TIMP2: variants seen among roughly 807,000 people sequenced by gnomAD.
TIMP2 encodes the protein metalloproteinase inhibitor 2.
In TIMP2, 5 loss-of-function variants were observed where a neutral mutation model predicts 24.3. The observed-to-expected ratio is 0.21, with a 90% CI of 0.11 to 0.43. The LOEUF is 0.43. TIMP2 is among the 20% of genes least tolerant of loss of function. The probability of loss-of-function intolerance (pLI) is 1.00; values close to 1 mark genes in which losing one functional copy is unlikely to be tolerated. For missense variants in TIMP2, 221 were observed against 297.5 expected (o/e 0.74, Z 1.89); for synonymous variants, 130 against 123.2 (o/e 1.06, Z -0.37).
At chr17:78,873,653 T>C (rs569422751) in intron 2 of TIMP2, among the ~76,000 whole-genome samples, 166 bp downstream of exon 2, 1 of 152,164 alleles carries the variant, frequency 6.6e-6, no homozygotes, top group African/African-American at 2.4e-5. Context: ...TTTTCAGGCA[T>C]TCGAGGATTA....
At chr17:78,902,829 GGTGTTCCTGCTTCCTGAAGAC>G (rs2070116382) in intron 1 of TIMP2, 1 of 152,418 alleles carries the variant, frequency 6.6e-6, no homozygotes, top group Admixed American at 6.5e-5. Context: ...AATCCCAGCA[GGTGTTCCTGCTTCCTGAAGAC>G]CCCCCAGCCC....
chr17:78,870,860 T>A lies in TIMP2; in HGVS notation c.340+38A>T, dbSNP rs760300455. On this transcript the variant is annotated intron_variant, in intron 3 of 4. Transcript: ENST00000262768. The stretch of plus-strand genomic sequence containing the variant: ...CCGCGTCTAGGAACAGCCCCACTTC[T>A]GTGCCAGCCTCCGGCTGATGGCCCC... The A allele has an allele frequency of 4.4e-6, 7 of 1,578,720 alleles. No homozygotes were observed. In the South Asian group the frequency reaches 7.8e-5, roughly 18 times the overall value.
chr17:78,918,372 C>T (rs141969846), intron 1 of TIMP2, among the ~76,000 whole-genome samples: 4 of 152,254 alleles, frequency 2.6e-5, no homozygotes, highest in South Asian at 2.1e-4. Flanking sequence ...TTCCCTCTGC[C>T]GCTGCACAGC....
At chr17:78,888,034 A>G (rs2069840276) in intron 1 of TIMP2, among the ~76,000 whole-genome samples, 2 of 152,336 alleles carry the variant, frequency 1.3e-5, no homozygotes, top group South Asian at 2.1e-4. Flanking sequence ...AAGACTCCAC[A>G]TAATATCCTT....
chr17:78,863,996 C>T (rs936800994), intron 3 of TIMP2, among the ~76,000 whole-genome samples: 28 of 152,186 alleles, frequency 1.8e-4, no homozygotes, highest in East Asian at 9.7e-4. Flanking sequence ...AGCACACATT[C>T]GAACTCGAGC....
intron 1 of TIMP2, among the ~76,000 whole-genome samples, chr17:78,877,363 G>A (rs1196429257): frequency 6.6e-6 from 1 of 152,178 alleles, no homozygotes; most frequent in Non-Finnish European, 1.5e-5. Context: ...CGGATCACTT[G>A]AGGTCAGGAG....
intron 2 of TIMP2, 76 bp downstream of exon 2, chr17:78,873,742 AC>A: frequency 8.2e-7 from 1 of 1,224,508 alleles, no homozygotes. Flanking sequence ...TGTTCCAGGG[AC>A]CCAGGCTCTC....
chr17:78,919,376 C>A (rs12452379), intron 1 of TIMP2, among the ~76,000 whole-genome samples: 75,875 of 152,104 alleles, frequency 0.5, 19,309 homozygotes, highest in East Asian at 0.57. Flanking sequence ...GTACCCAGAA[C>A]TCTCACCTTT....
At chr17:78,889,704 T>G (rs1393019389) in intron 1 of TIMP2, among the ~76,000 whole-genome samples, 1 of 152,192 alleles carries the variant, frequency 6.6e-6, no homozygotes, top group Non-Finnish European at 1.5e-5. Flanking sequence ...CAGGCTGGAA[T>G]GTAGTGACAT....
intron 1 of TIMP2, among the ~76,000 whole-genome samples, chr17:78,885,156 A>C (rs575442452): frequency 6.6e-6 from 1 of 152,226 alleles, no homozygotes; most frequent in Non-Finnish European, 1.5e-5. Flanking sequence ...TCAGCCACGG[A>C]GGCCTTCCTG....
intron 3 of TIMP2, among the ~76,000 whole-genome samples, chr17:78,867,688 C>T (rs765753441): frequency 2.6e-5 from 4 of 151,282 alleles, no homozygotes; most frequent in Non-Finnish European, 5.9e-5. Context: ...TTCCGCCTCC[C>T]GGGTTCACGC....
Position 78,924,863 on chromosome 17 carries a change from C to T in TIMP2, c.130+96G>A. On this transcript the variant is annotated intron_variant, in intron 1 of 4. Transcript: ENST00000262768. This position sits in a 1 kb window ranked among gnomAD's most constrained non-coding sequence, Gnocchi z 5.3. Reference sequence around the variant, plus strand: ...GGGACCAGGAGGCGGGCGCTGGGGTCCCTCGGCCAGCGGCGGGCGGGCGGG... The same window carrying T: ...GGGACCAGGAGGCGGGCGCTGGGGTTCCTCGGCCAGCGGCGGGCGGGCGGG... The T allele has an allele frequency of 1.2e-6, 1 of 818,114 alleles. No individual in the cohort carries two copies. The highest frequency in any genetic ancestry group is 1.6e-6 in the Non-Finnish European group (1 of 640,706). 50.7% of individuals were successfully genotyped at this position (818,114 alleles called of 1,614,324 possible). A position where few individuals can be genotyped will look rare whatever the true frequency, so the allele number is the denominator to read the frequency against.
intron 3 of TIMP2, among the ~76,000 whole-genome samples, chr17:78,867,133 C>T (rs2069623782): frequency 6.6e-6 from 1 of 152,156 alleles, no homozygotes; most frequent in African/African-American, 2.4e-5. Context: ...TGGGGGCACA[C>T]ATCTGTAATC....
At chr17:78,858,662 A>C (rs1334596067) in intron 3 of TIMP2, among the ~76,000 whole-genome samples, 1 of 152,078 alleles carries the variant, frequency 6.6e-6, no homozygotes, top group Non-Finnish European at 1.5e-5. Flanking sequence ...CTGGGACTAT[A>C]GGTGTGAACC....
intron 1 of TIMP2, chr17:78,897,095 ACCCCCCCGCC>A (rs2070013930): frequency 1.6e-6 from 1 of 627,556 alleles, no homozygotes; most frequent in Non-Finnish European, 2.0e-6. Context: ...CACAGACAGC[ACCCCCCCGCC>A]CCCCGCCGGC....
chr17:78,878,410 G>A (rs34099527), intron 1 of TIMP2, among the ~76,000 whole-genome samples: 1 of 152,144 alleles, frequency 6.6e-6, no homozygotes, highest in Admixed American at 6.5e-5. Flanking sequence ...GAACTAATGC[G>A]TGTACAGTTC....
chr17:78,879,509 G>A (rs911729600), intron 1 of TIMP2, among the ~76,000 whole-genome samples: 1 of 152,186 alleles, frequency 6.6e-6, no homozygotes, highest in African/African-American at 2.4e-5. Context: ...TAGGCACTGG[G>A]GTGGGTGTCA....
Position 78,896,417 on chromosome 17 carries a change from G to C in TIMP2, c.131-22498C>G, listed in dbSNP as rs1196750174. 6.6e-6 allele frequency among the ~76,000 whole-genome samples: 1 copy of C among 152,160 alleles called. No homozygotes were observed. Among genetic ancestry groups the C allele is most frequent in the East Asian group, 1.9e-4 (1 of 5,190 alleles). ...GCCAGACAGGACGTCGGGTGCCCTT[G>C]GCAGGACACTTGCCAATGAAGACAG... On this transcript the variant is annotated intron_variant, in intron 1 of 4. Transcript: ENST00000262768. The surrounding 1 kb of genome is among the most constrained non-coding windows in gnomAD (Gnocchi z 4.4).
intron 2 of TIMP2, 80 bp from the exon 3 acceptor site, chr17:78,871,086 G>A: frequency 8.3e-7 from 1 of 1,210,860 alleles, no homozygotes; most frequent in East Asian, 2.4e-5. Flanking sequence ...AGAACACCCT[G>A]GGCGGCACAA....
Sources: gnomAD v4.1 joint callset for allele counts (sites outside exome capture counted in the v4.1 genomes callset) on GRCh38, gnomAD v4.1.1 for gene constraint, Gnocchi (gnomAD v3.1) non-coding constraint, MANE v1.5 for transcripts, NCBI Gene and HGNC (gene_info 2026-07-23, HGNC 2026-07-21) for gene names.